CHKA: variants seen among roughly 807,000 people sequenced by gnomAD.
CHKA encodes the protein CHETK-alpha.
In CHKA, 34 loss-of-function variants were observed where a neutral mutation model predicts 60.1. The observed-to-expected ratio is 0.57, with a 90% confidence interval of 0.43 to 0.75. The LOEUF is 0.75. Ranked by LOEUF, CHKA falls within the 30% of genes least tolerant of loss-of-function variation. CHKA has a pLI of 0.00. For missense variants in CHKA, 563 were observed against 561.3 expected (o/e 1.00, Z -0.03); for synonymous variants, 217 against 223.1 (o/e 0.97, Z 0.24).
At chr11:68,100,937 CTTTTTTTTTTTT>C (rs758101816) in intron 1 of CHKA, among the ~76,000 whole-genome samples, 90 of 78,198 alleles carry the variant, frequency 1.2e-3, no homozygotes, top group African/African-American at 4.3e-3. Context: ...TAAAGAGGTT[CTTTTTTTTTTTT>C]TTTTTTTTTT....
At chr11:68,084,302 G>C (rs1261494431) in intron 2 of CHKA, among the ~76,000 whole-genome samples, 2 of 140,174 alleles carry the variant, frequency 1.4e-5, no homozygotes, top group South Asian at 4.5e-4. Context: ...ATACGTATAT[G>C]TGTATATACA....
intron 1 of CHKA, among the ~76,000 whole-genome samples, chr11:68,120,585 C>A (rs1034293154): frequency 6.6e-6 from 1 of 152,238 alleles, no homozygotes. Context: ...ATGAAACCGA[C>A]GTTTTTACAA....
At chr11:68,075,763 C>T (rs1242018967) in intron 3 of CHKA, among the ~76,000 whole-genome samples, 2 of 151,982 alleles carry the variant, frequency 1.3e-5, no homozygotes, top group Non-Finnish European at 2.9e-5. Context: ...TAGTGAGATG[C>T]CCCACCACCA....
intron 1 of CHKA, among the ~76,000 whole-genome samples, chr11:68,107,397 T>C (rs1477037899): frequency 6.6e-6 from 1 of 152,196 alleles, no homozygotes; most frequent in Non-Finnish European, 1.5e-5. Flanking sequence ...GTTCTCTAAC[T>C]TGATTCCCAA....
intron 1 of CHKA, among the ~76,000 whole-genome samples, chr11:68,120,279 G>A (rs79792945): frequency 0.02 from 3,011 of 151,898 alleles, 49 homozygotes; most frequent in Non-Finnish European, 0.028. Context: ...CTTATTTTAG[G>A]AGCCACGCCT....
At chr11:68,081,383 C>G in intron 3 of CHKA, 21 bp downstream of exon 3, 1 of 1,608,260 alleles carries the variant, frequency 6.2e-7, no homozygotes, top group Non-Finnish European at 8.5e-7. Context: ...CACACAGATG[C>G]AGAAAGACTG....
intron 3 of CHKA, among the ~76,000 whole-genome samples, chr11:68,075,651 T>A (rs1856762673): frequency 6.6e-6 from 1 of 152,098 alleles, no homozygotes; most frequent in Admixed American, 6.5e-5. Context: ...TAAAGAGCTT[T>A]TACAGGCCAG....
Position 68,111,160 on chromosome 11 carries a change from C to T in CHKA, c.350+9668G>A, listed in dbSNP as rs574742209. Among the ~76,000 whole-genome samples the T allele has an allele frequency of 5.3e-5, 8 of 152,058 alleles. No homozygotes were observed. In the South Asian group the frequency reaches 1.7e-3, roughly 32 times the overall value. ...GGCGCGGTGGCTCATGCCTCTAATCCCAGCACTTTGGGAGGCCGAGCTGGG... is the reference window on the plus strand; with the variant it reads ...GGCGCGGTGGCTCATGCCTCTAATCTCAGCACTTTGGGAGGCCGAGCTGGG... On this transcript the variant is annotated intron_variant, in intron 1 of 11. Coordinates refer to ENST00000265689, the MANE Select transcript of CHKA (RefSeq NM_001277.3).
At chr11:68,109,310 C>T (rs1474988888) in intron 1 of CHKA, among the ~76,000 whole-genome samples, 4 of 151,972 alleles carry the variant, frequency 2.6e-5, no homozygotes, top group East Asian at 1.9e-4. Flanking sequence ...AGGATGGTCT[C>T]GATCTCCTGA....
chr11:68,104,985 T>C (rs1666603632), intron 1 of CHKA, among the ~76,000 whole-genome samples: 1 of 151,690 alleles, frequency 6.6e-6, no homozygotes, highest in Non-Finnish European at 1.5e-5. Flanking sequence ...ATGTCTGTAA[T>C]CTCAGCTACT....
In CHKA at chr11:68,121,365, G is replaced by GAGCGA. The variant is rs1858652111; in HGVS notation, c.-189_-188insTCGCT. On this transcript the variant is annotated 5_prime_UTR_variant, in exon 1 of 12. Transcript: ENST00000265689. ...GGCGACTGTGGAGCGGGGATGTGCTGCTGGCCGCTGCACTCGCTCCTCTGC... is the reference window on the plus strand; with the variant it reads ...GGCGACTGTGGAGCGGGGATGTGCTGAGCGACTGGCCGCTGCACTCGCTCCTCTGC... 4.7e-6 allele frequency: 1 copy of GAGCGA among 214,182 alleles called. No homozygotes were observed. The highest frequency in any genetic ancestry group is 8.2e-6 in the Non-Finnish European group (1 of 121,380). 13.3% of individuals were successfully genotyped at this position (214,182 alleles called of 1,614,324 possible).
intron 1 of CHKA, among the ~76,000 whole-genome samples, chr11:68,103,722 G>A (rs1028127311): frequency 6.6e-6 from 1 of 151,938 alleles, no homozygotes; most frequent in Admixed American, 6.6e-5. Flanking sequence ...GATCAGCCTG[G>A]CCAACATGGT....
chr11:68,098,810 C>A (rs2153024599), intron 1 of CHKA, among the ~76,000 whole-genome samples: 1 of 152,222 alleles, frequency 6.6e-6, no homozygotes, highest in East Asian at 1.9e-4. Context: ...TCTCCTGCCT[C>A]AGCCCCCCAA....
chr11:68,080,078 G>A (rs1460315824), intron 3 of CHKA, among the ~76,000 whole-genome samples: 1 of 152,152 alleles, frequency 6.6e-6, no homozygotes, highest in African/African-American at 2.4e-5. Flanking sequence ...TTAGCATCAC[G>A]CAGGTCCTGG....
chr11:68,097,656 C>A (rs977670508), intron 1 of CHKA, among the ~76,000 whole-genome samples: 6 of 125,262 alleles, frequency 4.8e-5, no homozygotes, highest in African/African-American at 1.5e-4. Flanking sequence ...AAAAAAAAAT[C>A]TTGAGGCAAT....
chr11:68,074,945 G>T, intron 3 of CHKA, 115 bp from the exon 4 acceptor site: 1 of 863,992 alleles, frequency 1.2e-6, no homozygotes, highest in Non-Finnish European at 1.9e-6. Context: ...TTTCACGTGG[G>T]CACTACTGTT....
intron 1 of CHKA, among the ~76,000 whole-genome samples, chr11:68,110,912 C>A (rs1279034263): frequency 1.3e-5 from 2 of 150,478 alleles, no homozygotes; most frequent in African/African-American, 2.4e-5. Context: ...GCAGGAGAAT[C>A]GCTTGAATCC....
chr11:68,065,995 T>G (rs1856431013), intron 8 of CHKA, 101 bp from the exon 9 acceptor site: 1 of 755,168 alleles, frequency 1.3e-6, no homozygotes. Flanking sequence ...AGCACGCCAC[T>G]CCTGTTGCCA....
chr11:68,091,331 A>G (rs1178605945), intron 2 of CHKA, among the ~76,000 whole-genome samples: 1 of 152,240 alleles, frequency 6.6e-6, no homozygotes. Flanking sequence ...CAGTCTATGT[A>G]AAACAGACGC....
Sources: allele counts gnomAD v4.1 joint callset (sites outside exome capture counted in the v4.1 genomes callset), GRCh38; gene constraint gnomAD v4.1.1; transcripts MANE v1.5; gene names NCBI Gene and HGNC (gene_info 2026-07-23, HGNC 2026-07-21).